The following SDK2 variants were observed in gnomAD, a reference collection of about 807,000 sequenced individuals.
SDK2 encodes the protein sidekick cell adhesion molecule 2, also known as protein sidekick-2.
A neutral mutation model predicts 253.9 loss-of-function variants in SDK2; 105 were observed. That is an observed-to-expected ratio of 0.41 (90% CI 0.35 to 0.49). The LOEUF (loss-of-function observed/expected upper bound fraction) is 0.49, where lower values mean the gene tolerates loss of function less well. Ranked by LOEUF, SDK2 falls within the 20% of genes least tolerant of loss-of-function variation. SDK2 has a pLI of 0.06. For synonymous variants in SDK2, 1,249 were observed against 1,234.9 expected (o/e 1.01, Z -0.24); for missense variants, 2,608 against 3,003.0 (o/e 0.87, Z 3.07).
At chr17:73,552,606 C>G (rs908330850) in intron 1 of SDK2, among the ~76,000 whole-genome samples, 2 of 152,112 alleles carry the variant, frequency 1.3e-5, no homozygotes, top group Non-Finnish European at 1.5e-5. Flanking sequence ...GAAGTACGTA[C>G]GAGCATCACG....
At chr17:73,515,814 C>T (rs533120111) in intron 1 of SDK2, among the ~76,000 whole-genome samples, 60 of 152,310 alleles carry the variant, frequency 3.9e-4, no homozygotes, top group African/African-American at 1.4e-3. Context: ...TAGAGTTTGA[C>T]CTTATGCAAA....
Position 73,609,137 on chromosome 17 carries a change from C to CAGG in SDK2, c.64+34887_64+34888insCCT, listed in dbSNP as rs2045943674. Among the ~76,000 whole-genome samples the CAGG allele has an allele frequency of 6.6e-6, 1 of 152,270 alleles. No individual in the cohort carries two copies. The highest frequency in any genetic ancestry group is 1.9e-4 in the East Asian group (1 of 5,186). ...CTTTTTGGGGAAGATCAGGAGTTTG[C>CAGG]AAGACCTTGTGTGTGTTCAGTTGGG... is the stretch of plus-strand genomic sequence containing the variant. On this transcript the variant is annotated intron_variant, in intron 1 of 44. Transcript: ENST00000392650. The surrounding 1 kb of genome is among the most constrained non-coding windows in gnomAD (Gnocchi z 4.4).
In SDK2 at chr17:73,415,896, G is replaced by C. The variant is rs2063177122; in HGVS notation, c.2283C>G (p.Thr761=). ...NLLLEDLIIW[T]NYEIEVAAYN... is the part of the protein sequence containing the mutation. ...AAGCAGCCACCTCGATCTCGTAGTTGGTCCAAATGATGAGATCCTCCAGCA... is the reference window on the plus strand; with the variant it reads ...AAGCAGCCACCTCGATCTCGTAGTTCGTCCAAATGATGAGATCCTCCAGCA... The change falls in exon 17 of 45, where the codon ACC becomes ACG. Residue 761 remains threonine, a synonymous_variant. Transcript: ENST00000392650. 6.2e-7 allele frequency: 1 copy of C among 1,603,208 alleles called. No homozygotes were observed. Among genetic ancestry groups the C allele is most frequent in the East Asian group, 2.3e-5 (1 of 44,440 alleles).
At chr17:73,466,553 A>G (rs2063598514) in intron 3 of SDK2, among the ~76,000 whole-genome samples, 1 of 152,176 alleles carries the variant, frequency 6.6e-6, no homozygotes, top group African/African-American at 2.4e-5. Context: ...TGGAACTGGA[A>G]CTGTGGGTTA....
chr17:73,514,216 G>C (rs145728090), intron 1 of SDK2, among the ~76,000 whole-genome samples: 2,641 of 152,288 alleles, frequency 0.017, 68 homozygotes, highest in African/African-American at 0.054. Context: ...CGGACCAGCA[G>C]AGCCTGAGCT....
chr17:73,627,422 GCCTCCTTCC>G (rs2046216385), intron 1 of SDK2, among the ~76,000 whole-genome samples: 2 of 152,156 alleles, frequency 1.3e-5, no homozygotes, highest in Admixed American at 6.5e-5. Context: ...TTTCAGCGAC[GCCTCCTTCC>G]ATGTGAGTTG....
chr17:73,365,755 C>T (rs897022687), intron 37 of SDK2, among the ~76,000 whole-genome samples: 1 of 152,078 alleles, frequency 6.6e-6, no homozygotes, highest in African/African-American at 2.4e-5. Flanking sequence ...CCTGGCTTTG[C>T]GGGGTTCGTC....
At chr17:73,564,599 T>G (rs34652744) in intron 1 of SDK2, among the ~76,000 whole-genome samples, 30,391 of 151,756 alleles carry the variant, frequency 0.2, 3,220 homozygotes, top group African/African-American at 0.27. Context: ...TCGAGACAGG[T>G]GGATCACTTG....
rs2062380208 is a variant in SDK2, at chr17:73,336,579, C to T, written c.*2008G>A. On this transcript the variant is annotated 3_prime_UTR_variant, in exon 45 of 45. Coordinates refer to ENST00000392650, the MANE Select transcript of SDK2 (RefSeq NM_001144952.2). Reference sequence around the variant, plus strand: ...AGGAAAAACTCATGGCTGGGTGTGCCCGTTCTTTGGGCCCCAGACCCTGAC... The same window carrying T: ...AGGAAAAACTCATGGCTGGGTGTGCTCGTTCTTTGGGCCCCAGACCCTGAC... 1 of 152,690 alleles carries T rather than the reference C, an allele frequency of 6.5e-6. No individual in the cohort carries two copies. The highest frequency in any genetic ancestry group is 2.4e-5 in the African/African-American group (1 of 41,434). The allele number at this position is 152,690 out of a possible 1,614,324, so 9.5% of individuals were successfully genotyped here. A position where few individuals can be genotyped will look rare whatever the true frequency, so the allele number is the denominator to read the frequency against.
At chr17:73,528,145 G>A (rs770127008) in intron 1 of SDK2, among the ~76,000 whole-genome samples, 7 of 152,132 alleles carry the variant, frequency 4.6e-5, no homozygotes, top group Non-Finnish European at 8.8e-5. Flanking sequence ...GCCAGTCCTG[G>A]ACCCCAGAGG....
Position 73,422,366 on chromosome 17 carries a change from C to G in SDK2, c.1966G>C (p.Val656Leu), listed in dbSNP as rs1338146986. Residue 656 changes from valine to leucine, a missense_variant, in exon 15 of 45, where the codon GTT (valine) becomes CTT (leucine). This residue lies in a region of SDK2 where 1,505 missense variants were observed against 1,859.1 expected (regional missense o/e 0.81). Transcript: ENST00000392650. ...CGGAACTGGTAGGAGCGTGCAGGAA[C>G]CAGGCCCTTGACTGTCACTGAGGTA... Reference protein sequence around the residue: ...KATSVTVKGLVPARSYQFRLC... With the variant: ...KATSVTVKGLLPARSYQFRLC... The G allele has an allele frequency of 3.1e-6, 5 of 1,613,998 alleles. No homozygotes were observed. In the East Asian group the frequency reaches 8.9e-5, roughly 29 times the overall value.
chr17:73,368,465 GA>G lies in SDK2; in HGVS notation c.5108del (p.Phe1703SerfsTer33). On this transcript the variant is annotated frameshift_variant, in exon 37 of 45. Coordinates refer to ENST00000392650, the MANE Select transcript of SDK2 (RefSeq NM_001144952.2). LOFTEE classifies it high-confidence loss of function. The part of the protein sequence containing the change: ...YTAYMVSVAA[F>X]NAAGDGPRST... ...TCCGAGGCCCATCCCCAGCGGCGTT[GA>G]AGGCGGCCACGCTGACCATGTAGGC... The G allele has an allele frequency of 1.2e-6, 2 of 1,607,212 alleles. No individual in the cohort carries two copies. Among genetic ancestry groups the G allele is most frequent in the Non-Finnish European group, 8.5e-7 (1 of 1,177,074 alleles).
intron 1 of SDK2, among the ~76,000 whole-genome samples, chr17:73,638,361 T>C (rs2046357911): frequency 6.6e-6 from 1 of 152,124 alleles, no homozygotes; most frequent in Non-Finnish European, 1.5e-5. Flanking sequence ...AGTCAATATA[T>C]GTCAGCTGGA....
chr17:73,599,284 C>T (rs890195416), intron 1 of SDK2, among the ~76,000 whole-genome samples: 1 of 152,192 alleles, frequency 6.6e-6, no homozygotes, highest in African/African-American at 2.4e-5. Flanking sequence ...GTAATCCCAG[C>T]ACTTTGGGAG....
At chr17:73,516,731 G>C (rs1190209237) in intron 1 of SDK2, 1 of 152,234 alleles carries the variant, frequency 6.6e-6, no homozygotes, top group South Asian at 2.1e-4. Flanking sequence ...ACCTTCTGAC[G>C]TTGGGAGCCT....
chr17:73,385,501 G>A (rs920437684), intron 32 of SDK2, among the ~76,000 whole-genome samples: 4 of 152,122 alleles, frequency 2.6e-5, no homozygotes, highest in Non-Finnish European at 2.9e-5. Context: ...GCAGGCCTAA[G>A]GCTAATACAC....
chr17:73,448,021 C>T (rs531221318), intron 4 of SDK2, among the ~76,000 whole-genome samples: 87 of 152,244 alleles, frequency 5.7e-4, no homozygotes, highest in African/African-American at 2.0e-3. Context: ...AGGAAGCTTC[C>T]CTGGCCCCTA....
chr17:73,410,635 A>C (rs1782377096), intron 18 of SDK2, among the ~76,000 whole-genome samples: 3 of 152,192 alleles, frequency 2.0e-5, no homozygotes, highest in Admixed American at 2.0e-4. Flanking sequence ...TGCTTCTTAG[A>C]GTCCCTGTGC....
intron 1 of SDK2, among the ~76,000 whole-genome samples, chr17:73,623,458 T>TG (rs1567878858): frequency 6.6e-6 from 1 of 152,096 alleles, no homozygotes; most frequent in Non-Finnish European, 1.5e-5. Context: ...CCAAGAGCCC[T>TG]GGGGGGAAGG....
Sources: gnomAD v4.1 joint callset for allele counts (sites outside exome capture counted in the v4.1 genomes callset) on GRCh38, gnomAD v4.1.1 for gene constraint, gnomAD v4.1.1 regional missense constraint, Gnocchi (gnomAD v3.1) non-coding constraint, MANE v1.5 for transcripts, NCBI Gene and HGNC (gene_info 2026-07-23, HGNC 2026-07-21) for gene names.